TBC1D1: variants seen among roughly 807,000 people sequenced by gnomAD.
TBC1D1 encodes TBC1 (tre-2/USP6, BUB2, cdc16) domain family, member 1.
In TBC1D1, 89 loss-of-function variants were observed where a neutral mutation model predicts 125.6. The observed-to-expected ratio is 0.71, with a 90% CI of 0.60 to 0.85. TBC1D1 has a LOEUF of 0.85. Ranked by LOEUF, TBC1D1 falls within the 40% of genes least tolerant of loss-of-function variation. TBC1D1 has a pLI of 0.00. For synonymous variants in TBC1D1, 565 were observed against 564.1 expected (o/e 1.00, Z -0.02); for missense variants, 1,377 against 1,469.2 (o/e 0.94, Z 1.03).
chr4:37,934,654 G>C (rs1384178883), intron 2 of TBC1D1, among the ~76,000 whole-genome samples: 3 of 152,164 alleles, frequency 2.0e-5, no homozygotes, highest in Non-Finnish European at 2.9e-5. Context: ...CCAGCAGAGA[G>C]AGTCTGCAGG....
At chr4:38,050,782 T>C (rs529331066) in intron 11 of TBC1D1, among the ~76,000 whole-genome samples, 1 of 152,326 alleles carries the variant, frequency 6.6e-6, no homozygotes, top group East Asian at 1.9e-4. Context: ...ACAGAAGTGT[T>C]TGGAATGTTC....
intron 19 of TBC1D1, among the ~76,000 whole-genome samples, chr4:38,135,874 G>GTGTGTGTGTGTATATA (rs1766448854): frequency 4.4e-5 from 2 of 45,260 alleles, no homozygotes; most frequent in Non-Finnish European, 6.3e-5. Context: ...GTATATATAT[G>GTGTGTGTGTGTATATA]TGTGTGTGTG....
intron 12 of TBC1D1, among the ~76,000 whole-genome samples, chr4:38,061,172 G>A (rs1281434930): frequency 7.2e-5 from 11 of 152,150 alleles, no homozygotes; most frequent in African/African-American, 1.9e-4. Flanking sequence ...GGTGCTTTGC[G>A]TCTTTCCTGC....
intron 12 of TBC1D1, among the ~76,000 whole-genome samples, chr4:38,070,414 C>T (rs1405008327): frequency 6.6e-6 from 1 of 152,156 alleles, no homozygotes; most frequent in Non-Finnish European, 1.5e-5. Context: ...CAGGTTCCCA[C>T]GTGGACCTTC....
Position 37,896,046 on chromosome 4 carries a change from C to T in TBC1D1, c.-94+4698C>T, listed in dbSNP as rs16994046. Among the ~76,000 whole-genome samples the T allele has an allele frequency of 6.1e-3, 929 of 152,236 alleles. 11 individuals carry two copies. The highest frequency in any genetic ancestry group is 0.017 in the African/African-American group (717 of 41,530). The stretch of plus-strand genomic sequence containing the variant: ...TCAGGTGCATGCTCACTCCATCTGG[C>T]GTAAAGAACAGAGAAATTAAACCAT... On this transcript the variant is annotated intron_variant, in intron 1 of 19. Transcript: ENST00000261439.
chr4:38,027,702 A>T (rs983151822), intron 6 of TBC1D1, 86 bp from the exon 7 acceptor site: 3 of 665,786 alleles, frequency 4.5e-6, no homozygotes, highest in Non-Finnish European at 7.7e-6. Context: ...AGAGAATGTG[A>T]AGGGGATGTG....
chr4:38,098,249 T>C (rs1190394267), intron 14 of TBC1D1, among the ~76,000 whole-genome samples: 8 of 152,218 alleles, frequency 5.3e-5, no homozygotes, highest in African/African-American at 1.9e-4. Context: ...TTACACCAAA[T>C]GACCCCAAAT....
At chr4:37,969,262 CTACTAA>C (rs1731599431) in intron 2 of TBC1D1, among the ~76,000 whole-genome samples, 1 of 152,234 alleles carries the variant, frequency 6.6e-6, no homozygotes, top group Admixed American at 6.5e-5. Context: ...ATTGTTGCTA[CTACTAA>C]TACTATTACT....
At chr4:37,903,653 A>AAATTAATTAATT (rs1716652893) in intron 2 of TBC1D1, among the ~76,000 whole-genome samples, 1 of 152,164 alleles carries the variant, frequency 6.6e-6, no homozygotes, top group African/African-American at 2.4e-5. Context: ...CCTTATTTAG[A>AAATTAATTAATT]AATTAATATT....
chr4:37,946,651 G>A (rs965498522), intron 2 of TBC1D1, among the ~76,000 whole-genome samples: 2 of 152,228 alleles, frequency 1.3e-5, no homozygotes, highest in African/African-American at 4.8e-5. Flanking sequence ...TGACCTGCAG[G>A]AAGAGGAAGC....
At chr4:38,122,451 C>T (rs1198255010) in intron 17 of TBC1D1, among the ~76,000 whole-genome samples, 1 of 152,196 alleles carries the variant, frequency 6.6e-6, no homozygotes, top group Non-Finnish European at 1.5e-5. Context: ...GTTTTTCAGG[C>T]TCCTGCACAC....
chr4:37,951,300 T>C (rs1727817143), intron 2 of TBC1D1, among the ~76,000 whole-genome samples: 2 of 152,210 alleles, frequency 1.3e-5, no homozygotes, highest in African/African-American at 2.4e-5. Context: ...GTGTGGATAC[T>C]GAAATAAGAT....
At chr4:38,033,450 C>T (rs1377069210) in intron 7 of TBC1D1, among the ~76,000 whole-genome samples, 1 of 151,960 alleles carries the variant, frequency 6.6e-6, no homozygotes, top group Non-Finnish European at 1.5e-5. Context: ...ACAGAGTTCC[C>T]GTATTAGCTT....
intron 12 of TBC1D1, among the ~76,000 whole-genome samples, chr4:38,059,232 A>G (rs1752315569): frequency 6.6e-6 from 1 of 152,202 alleles, no homozygotes; most frequent in African/African-American, 2.4e-5. Context: ...TTTAAATTCA[A>G]CAGTGACCAG....
Position 38,118,030 on chromosome 4 carries a change from C to T in TBC1D1, c.2803-3C>T, listed in dbSNP as rs771454474. ...CTCAGCCCTTGTGGCTGTCTTCCTG[C>T]AGATCCAGATGTACCAGCTCTCGAG... is the stretch of plus-strand genomic sequence containing the variant. On this transcript the variant is annotated splice_region_variant and splice_polypyrimidine_tract_variant and intron_variant, in intron 16 of 19. Coordinates refer to ENST00000261439, the MANE Select transcript of TBC1D1 (RefSeq NM_015173.4). 13 of 1,613,690 alleles carry T rather than the reference C, an allele frequency of 8.1e-6. No individual in the cohort carries two copies. The East Asian group carries it at 2.9e-4, about 36-fold the overall frequency.
At chr4:38,061,712 G>A (rs1752807773) in intron 12 of TBC1D1, among the ~76,000 whole-genome samples, 1 of 152,150 alleles carries the variant, frequency 6.6e-6, no homozygotes, top group South Asian at 2.1e-4. Flanking sequence ...GTAACATTAA[G>A]TCTAGTGGAT....
At chr4:38,045,127 AT>A (rs2152471344) in intron 9 of TBC1D1, among the ~76,000 whole-genome samples, 1 of 152,308 alleles carries the variant, frequency 6.6e-6, no homozygotes, top group Non-Finnish European at 1.5e-5. Flanking sequence ...ATGTACATCA[AT>A]CTGGGAGTTC....
At chr4:38,078,980 C>T (rs1560748346) in intron 12 of TBC1D1, among the ~76,000 whole-genome samples, 3 of 152,134 alleles carry the variant, frequency 2.0e-5, no homozygotes, top group Admixed American at 6.5e-5. Context: ...CTTTTCTTTT[C>T]ACCATGTCTC....
chr4:38,087,228 A>G (rs569532125), intron 12 of TBC1D1, among the ~76,000 whole-genome samples: 1 of 152,312 alleles, frequency 6.6e-6, no homozygotes, highest in East Asian at 1.9e-4. Context: ...TCCCCAAACA[A>G]TACTTGTATT....
Sources: allele counts gnomAD v4.1 joint callset (sites outside exome capture counted in the v4.1 genomes callset), GRCh38; gene constraint gnomAD v4.1.1; transcripts MANE v1.5; gene names NCBI Gene and HGNC (gene_info 2026-07-23, HGNC 2026-07-21).